Variants in RAB3GAP1 observed in about 807,000 individuals in gnomAD.
The protein encoded by RAB3GAP1 is rab3 GTPase-activating protein catalytic subunit.
RAB3GAP1 carries 86 observed loss-of-function variants against 130.7 expected under a neutral mutation model. The ratio of observed to expected loss-of-function variants is 0.66; its 90% confidence interval spans 0.55 to 0.79. The LOEUF (loss-of-function observed/expected upper bound fraction) is 0.79, where lower values mean the gene tolerates loss of function less well. Ranked by LOEUF, RAB3GAP1 falls within the 30% of genes least tolerant of loss-of-function variation. The pLI is 0.00. For synonymous variants in RAB3GAP1, 367 were observed against 401.7 expected, an observed-to-expected ratio of 0.91 and a Z score of 1.03; for missense variants, 1,029 against 1,169.4, an observed-to-expected ratio of 0.88 and a Z score of 1.75.
chr2:135,117,851 C>T (rs1691076906), intron 7 of RAB3GAP1, among the ~76,000 whole-genome samples: 1 of 140,786 alleles, frequency 7.1e-6, no homozygotes, highest in Admixed American at 6.9e-5. Context: ...CTTCTTTCTT[C>T]TTCTTCTTCT....
intron 19 of RAB3GAP1, among the ~76,000 whole-genome samples, chr2:135,155,592 A>G (rs1166093771): frequency 2.0e-5 from 3 of 152,184 alleles, no homozygotes; most frequent in African/African-American, 4.8e-5. Context: ...CAGGCTAGAA[A>G]ATTAGTGGAA....
chr2:135,162,892 C>G, intron 21 of RAB3GAP1, 41 bp downstream of exon 21: 1 of 1,578,990 alleles, frequency 6.3e-7, no homozygotes, highest in Non-Finnish European at 8.7e-7. Flanking sequence ...AAGTGTTCTC[C>G]TCAGTTGGCA....
chr2:135,109,032 C>T (rs182552976), intron 5 of RAB3GAP1, among the ~76,000 whole-genome samples: 21 of 152,156 alleles, frequency 1.4e-4, no homozygotes, highest in African/African-American at 4.8e-4. Flanking sequence ...TTCCATTGAT[C>T]CCTATTTGTT....
chr2:135,061,098 C>T lies in RAB3GAP1; in HGVS notation c.150+3012C>T, dbSNP rs1180736997. Among the ~76,000 whole-genome samples, 20 of 149,978 alleles carry T rather than the reference C, an allele frequency of 1.3e-4. 1 individual carries two copies. Among genetic ancestry groups the T allele is most frequent in the Admixed American group, 1.1e-3 (17 of 14,964 alleles). ...CCATAAATGTCCTTGACATCCTTTA[C>T]TCACGATAATGTTTTTGAGATTCAT... On this transcript the variant is annotated intron_variant, in intron 3 of 23. Transcript: ENST00000264158.
At chr2:135,161,183 A>T (rs1205938329) in intron 19 of RAB3GAP1, among the ~76,000 whole-genome samples, 1 of 152,194 alleles carries the variant, frequency 6.6e-6, no homozygotes, top group South Asian at 2.1e-4. Flanking sequence ...TCCTAGTTCA[A>T]TTGTTAGGTA....
Position 135,156,804 on chromosome 2 carries a change from G to T in RAB3GAP1, c.2289+2928G>T, listed in dbSNP as rs567029661. Among the ~76,000 whole-genome samples the T allele has an allele frequency of 1.4e-4, 22 of 152,272 alleles. No homozygotes were observed. In the South Asian group the frequency reaches 3.9e-3, roughly 27 times the overall value. ...GTGTAATTAGCAAGAGAAAGCAGAG[G>T]CATGGGAGTTGAAAGAAGAACTCTG... On this transcript the variant is annotated intron_variant, in intron 19 of 23. Coordinates refer to ENST00000264158, the MANE Select transcript of RAB3GAP1 (RefSeq NM_012233.3).
chr2:135,094,064 C>G (rs1187131066), intron 5 of RAB3GAP1, among the ~76,000 whole-genome samples: 1 of 152,020 alleles, frequency 6.6e-6, no homozygotes, highest in East Asian at 1.9e-4. Context: ...TGGTATATAC[C>G]AAAATTTCAG....
In RAB3GAP1 at chr2:135,169,164, T is replaced by C; in HGVS notation, c.*383T>C. 1 of 303,294 alleles carries C rather than the reference T, an allele frequency of 3.3e-6. No homozygotes were observed. The highest frequency in any genetic ancestry group is 3.5e-5 in the South Asian group (1 of 28,840). 18.8% of individuals were successfully genotyped at this position (303,294 alleles called of 1,614,324 possible). A position where few individuals can be genotyped will look rare whatever the true frequency, so the allele number is the denominator to read the frequency against. ...GGTCTGTGCAAACACTTCGTGGTTC[T>C]ATATATCAGCAGCAAGTGTGCAAAA... On this transcript the variant is annotated 3_prime_UTR_variant, in exon 24 of 24. Transcript: ENST00000264158.
Position 135,091,051 on chromosome 2 carries a change from T to C in RAB3GAP1, c.204T>C (p.Ala68=). 1.2e-6 allele frequency: 2 copies of C among 1,610,704 alleles called. No individual in the cohort carries two copies. Among genetic ancestry groups the C allele is most frequent in the Non-Finnish European group, 1.7e-6 (2 of 1,177,094 alleles). Residue 68 remains alanine, a synonymous_variant, in exon 4 of 24, where the codon GCT becomes GCC. Transcript: ENST00000264158. Reference sequence around the variant, plus strand: ...AGAAATCAGATGAAATTTCCTTTGCTGACTTCAAGTTCTCAGTCACTCATC... The same window carrying C: ...AGAAATCAGATGAAATTTCCTTTGCCGACTTCAAGTTCTCAGTCACTCATC... ...WEEKSDEISF[A]DFKFSVTHHY...
chr2:135,163,633 C>G (rs1007819096), intron 22 of RAB3GAP1, among the ~76,000 whole-genome samples: 3 of 152,212 alleles, frequency 2.0e-5, no homozygotes, highest in African/African-American at 7.2e-5. Flanking sequence ...CTTTATGAGA[C>G]TCGGCACCAT....
At chr2:135,081,414 A>ATG (rs1237508935) in intron 3 of RAB3GAP1, among the ~76,000 whole-genome samples, 14 of 137,896 alleles carry the variant, frequency 1.0e-4, no homozygotes, top group African/African-American at 2.7e-4. Context: ...GTGTATATAT[A>ATG]TGTGTGTGTG....
intron 17 of RAB3GAP1, among the ~76,000 whole-genome samples, chr2:135,148,327 G>T (rs925378248): frequency 6.6e-6 from 1 of 152,042 alleles, no homozygotes; most frequent in Non-Finnish European, 1.5e-5. Context: ...TTATATAGTT[G>T]CTTCATAAGA....
At chr2:135,174,259 G>A (rs1692941926), downstream of RAB3GAP1, among the ~76,000 whole-genome samples, 1 of 112,230 alleles carries the variant, frequency 8.9e-6, no homozygotes, top group Admixed American at 9.6e-5. Flanking sequence ...CATCCGGAGA[G>A]GGTGGCGACA....
chr2:135,095,333 C>T (rs1446491894), intron 5 of RAB3GAP1, among the ~76,000 whole-genome samples: 1 of 152,224 alleles, frequency 6.6e-6, no homozygotes, highest in East Asian at 1.9e-4. Context: ...TAGGCGTGAG[C>T]CACCGCGCCC....
At chr2:135,088,010 GTGT>G (rs1242174217) in intron 3 of RAB3GAP1, among the ~76,000 whole-genome samples, 2 of 152,188 alleles carry the variant, frequency 1.3e-5, no homozygotes, top group African/African-American at 4.8e-5. Flanking sequence ...GGATGTTAGA[GTGT>G]TGTTTATCAG....
chr2:135,098,517 T>TA (rs1461351378), intron 5 of RAB3GAP1, among the ~76,000 whole-genome samples: 1 of 152,160 alleles, frequency 6.6e-6, no homozygotes, highest in African/African-American at 2.4e-5. Flanking sequence ...TTTCTCCTAT[T>TA]AAAAAATTAT....
chr2:135,061,980 T>G (rs932964002), intron 3 of RAB3GAP1, among the ~76,000 whole-genome samples: 1 of 152,154 alleles, frequency 6.6e-6, no homozygotes, highest in Non-Finnish European at 1.5e-5. Context: ...GAGTCTGTAT[T>G]CTGTTTCATT....
In RAB3GAP1 at chr2:135,090,978, C is replaced by A; in HGVS notation, c.151-20C>A. 2 of 1,603,566 alleles carry A rather than the reference C, an allele frequency of 1.2e-6. No individual in the cohort carries two copies. The highest frequency in any genetic ancestry group is 2.2e-5 in the South Asian group (2 of 90,626). On this transcript the variant is annotated intron_variant, in intron 3 of 23. Transcript: ENST00000264158. ...CTATTGATTAAGGTAAATATTTTGC[C>A]ATTTTATTGGTACATATAGGGTATA...
At chr2:135,075,013 A>T (rs1399415473) in intron 3 of RAB3GAP1, among the ~76,000 whole-genome samples, 1 of 152,340 alleles carries the variant, frequency 6.6e-6, no homozygotes, top group Non-Finnish European at 1.5e-5. Context: ...GTTGCTTACT[A>T]ATCAGGACTC....
Sources: gnomAD v4.1 joint callset for allele counts (sites outside exome capture counted in the v4.1 genomes callset) on GRCh38, gnomAD v4.1.1 for gene constraint, MANE v1.5 for transcripts, NCBI Gene and HGNC (gene_info 2026-07-23, HGNC 2026-07-21) for gene names.